C8orf34: variants seen among roughly 807,000 people sequenced by gnomAD.
C8orf34 encodes chromosome 8 open reading frame 34.
C8orf34 carries 65 observed loss-of-function variants against 68.3 expected under a neutral mutation model. The observed-to-expected ratio is 0.95, with a 90% CI of 0.78 to 1.17. The LOEUF (loss-of-function observed/expected upper bound fraction) is 1.17. Among genes scored for constraint, C8orf34 ranks in the 50% most tolerant of loss-of-function variants. The probability of loss-of-function intolerance (pLI) is 0.00; values close to 1 mark genes in which losing one functional copy is unlikely to be tolerated. For synonymous variants in C8orf34, 244 were observed against 241.2 expected (o/e 1.01, Z -0.11); for missense variants, 664 against 655.4 (o/e 1.01, Z -0.14).
intron 10 of C8orf34, among the ~76,000 whole-genome samples, chr8:68,723,070 A>T (rs963441077): frequency 6.6e-6 from 1 of 152,052 alleles, no homozygotes; most frequent in African/African-American, 2.4e-5. Flanking sequence ...AAAAACAGTG[A>T]TATCAGGAGT....
chr8:68,418,477 C>A (rs1030311986), intron 1 of C8orf34, among the ~76,000 whole-genome samples: 3 of 152,020 alleles, frequency 2.0e-5, no homozygotes, highest in Non-Finnish European at 2.9e-5. Flanking sequence ...CCATCAATAC[C>A]TAATTTATTG....
At chr8:68,630,662 T>C (rs1199861367) in intron 7 of C8orf34, among the ~76,000 whole-genome samples, 1 of 152,162 alleles carries the variant, frequency 6.6e-6, no homozygotes, top group Non-Finnish European at 1.5e-5. Flanking sequence ...GAATATTTTA[T>C]AGTGGTTATA....
intron 8 of C8orf34, among the ~76,000 whole-genome samples, chr8:68,653,417 C>A (rs1424345822): frequency 6.6e-6 from 1 of 152,112 alleles, no homozygotes; most frequent in Non-Finnish European, 1.5e-5. Context: ...CAATTTGAGA[C>A]CAATGCTAAT....
chr8:68,763,644 G>A (rs981349241), intron 10 of C8orf34, among the ~76,000 whole-genome samples: 23 of 151,818 alleles, frequency 1.5e-4, no homozygotes, highest in Admixed American at 7.9e-4. Flanking sequence ...CCCCGATCCC[G>A]TCATTTTGAA....
chr8:68,783,520 T>C (rs1344881619), intron 11 of C8orf34, among the ~76,000 whole-genome samples: 4 of 101,924 alleles, frequency 3.9e-5, no homozygotes, highest in Non-Finnish European at 5.3e-5. Flanking sequence ...CGAGACTTCA[T>C]CTCAAAAAAA....
intron 7 of C8orf34, among the ~76,000 whole-genome samples, chr8:68,637,580 G>T: frequency 6.6e-6 from 1 of 152,126 alleles, no homozygotes; most frequent in East Asian, 1.9e-4. Context: ...CCTGAGGTTG[G>T]ATCAAGGCTG....
At chr8:68,617,931 G>A (rs1281253663) in intron 7 of C8orf34, among the ~76,000 whole-genome samples, 2 of 152,098 alleles carry the variant, frequency 1.3e-5, no homozygotes, top group Non-Finnish European at 2.9e-5. Flanking sequence ...CCAATCAGAT[G>A]TAGATTTGGT....
chr8:68,415,208 C>T (rs1025640011), intron 1 of C8orf34, among the ~76,000 whole-genome samples: 4 of 152,126 alleles, frequency 2.6e-5, no homozygotes, highest in Non-Finnish European at 4.4e-5. Context: ...AGGCTGGGCA[C>T]GGTGGGTCAC....
intron 5 of C8orf34, among the ~76,000 whole-genome samples, chr8:68,513,211 A>T (rs540895817): frequency 2.2e-4 from 34 of 152,336 alleles, no homozygotes; most frequent in Admixed American, 6.5e-4. Context: ...AAGGTACCAC[A>T]GCTTTTAGCT....
intron 8 of C8orf34, among the ~76,000 whole-genome samples, chr8:68,689,786 C>A (rs1820633536): frequency 6.6e-6 from 1 of 151,976 alleles, no homozygotes; most frequent in Admixed American, 6.6e-5. Context: ...TTTCAGTTAT[C>A]TCTAATCCTT....
intron 8 of C8orf34, among the ~76,000 whole-genome samples, chr8:68,651,752 G>T (rs1036993271): frequency 1.3e-5 from 2 of 152,170 alleles, no homozygotes; most frequent in Non-Finnish European, 2.9e-5. Flanking sequence ...GATTCCAAAA[G>T]TGGGGAGGTT....
intron 7 of C8orf34, among the ~76,000 whole-genome samples, chr8:68,538,999 T>C (rs1815596838): frequency 6.6e-6 from 1 of 152,138 alleles, no homozygotes. Context: ...GTTTACATGC[T>C]TATGTAAATA....
At chr8:68,771,774 T>C (rs1368307619) in intron 10 of C8orf34, among the ~76,000 whole-genome samples, 1 of 152,174 alleles carries the variant, frequency 6.6e-6, no homozygotes, top group Non-Finnish European at 1.5e-5. Flanking sequence ...TCAATACATG[T>C]TTGTTTAAAA....
At chr8:68,537,846 C>G (rs1357131603) in intron 7 of C8orf34, among the ~76,000 whole-genome samples, 1 of 151,878 alleles carries the variant, frequency 6.6e-6, no homozygotes, top group African/African-American at 2.4e-5. Flanking sequence ...TAGAGATTAT[C>G]CTTTAAATAA....
chr8:68,691,928 T>C (rs971838674), intron 8 of C8orf34, among the ~76,000 whole-genome samples: 1 of 152,062 alleles, frequency 6.6e-6, no homozygotes, highest in Non-Finnish European at 1.5e-5. Context: ...AAGAATTACA[T>C]GAGACAAAGC....
intron 1 of C8orf34, among the ~76,000 whole-genome samples, chr8:68,400,428 C>A (rs767554158): frequency 5.3e-5 from 8 of 151,046 alleles, no homozygotes; most frequent in Admixed American, 2.0e-4. Flanking sequence ...AGTTCCCCAG[C>A]ACTATTTACT....
At chr8:68,772,607 G>T (rs918256051) in intron 10 of C8orf34, among the ~76,000 whole-genome samples, 8 of 152,086 alleles carry the variant, frequency 5.3e-5, no homozygotes, top group Admixed American at 5.2e-4. Flanking sequence ...CTCAACTGCG[G>T]TTATATTAAA....
intron 7 of C8orf34, among the ~76,000 whole-genome samples, chr8:68,537,773 T>C (rs553452836): frequency 6.6e-6 from 1 of 152,240 alleles, no homozygotes; most frequent in Admixed American, 6.5e-5. Flanking sequence ...TTGTTTTGTT[T>C]TTCATACCCT....
intron 9 of C8orf34, among the ~76,000 whole-genome samples, chr8:68,714,824 C>G (rs1358150162): frequency 1.3e-5 from 2 of 152,054 alleles, no homozygotes; most frequent in Non-Finnish European, 2.9e-5. Flanking sequence ...TAAAGCTATC[C>G]TAGGTGAAAA....
Sources: gnomAD v4.1 joint callset for allele counts (sites outside exome capture counted in the v4.1 genomes callset) on GRCh38, gnomAD v4.1.1 for gene constraint, MANE v1.5 for transcripts, NCBI Gene and HGNC (gene_info 2026-07-23, HGNC 2026-07-21) for gene names.